C12orf42: variants seen among roughly 807,000 people sequenced by gnomAD.
C12orf42 encodes the protein chromosome 12 open reading frame 42.
Under a neutral mutation model 21.6 loss-of-function variants are expected in C12orf42, and 25 were observed. The observed-to-expected ratio is 1.16, with a 90% confidence interval of 0.84 to 1.62. The LOEUF (loss-of-function observed/expected upper bound fraction) is 1.62, where lower values mean the gene tolerates loss of function less well. Ranked by LOEUF, C12orf42 falls within the 40% of genes most tolerant of loss-of-function variation. The pLI, the probability that C12orf42 is intolerant of heterozygous loss-of-function variation, is 0.00. For missense variants in C12orf42, 483 were observed against 459.3 expected, an observed-to-expected ratio of 1.05 and a Z score of -0.47; for synonymous variants, 174 against 175.0, an observed-to-expected ratio of 0.99 and a Z score of 0.05.
rs749823979 is a variant in C12orf42 at position 103,322,112 on chromosome 12, TGC to T, written c.260-15769_260-15768del. Among the ~76,000 whole-genome samples, 142 of 68,686 alleles carry T rather than the reference TGC, an allele frequency of 2.1e-3. 1 individual carries two copies. The highest frequency in any genetic ancestry group is 3.0e-3 in the Admixed American group (24 of 7,950). 45.1% of individuals were successfully genotyped at this position (68,686 alleles called of 152,430 possible). ...CTTCTCAGATGTGCACGCGCGTGCG[TGC>T]GCGCGCGCGCGCACACACACACACA... is the stretch of plus-strand genomic sequence containing the variant. On this transcript the variant is annotated intron_variant, in intron 4 of 5. Transcript: ENST00000548883.
chr12:103,481,727 A>G (rs915645586), intron 1 of C12orf42, among the ~76,000 whole-genome samples: 4 of 151,252 alleles, frequency 2.6e-5, no homozygotes, highest in East Asian at 3.9e-4. Context: ...GATAATGGAT[A>G]TATTTGGACT....
the C12orf42 span, among the ~76,000 whole-genome samples, chr12:103,508,472 A>G: frequency 6.6e-6 from 1 of 152,116 alleles, no homozygotes; most frequent in Non-Finnish European, 1.5e-5. Flanking sequence ...AAAAGTCCCA[A>G]GCCAAATTTG....
At chr12:103,097,338 G>A in the C12orf42 span, among the ~76,000 whole-genome samples, 2 of 152,152 alleles carry the variant, frequency 1.3e-5, no homozygotes, top group South Asian at 2.1e-4. Flanking sequence ...TCTCCATTAA[G>A]AGAAACATCT....
At chr12:103,282,599 T>C (rs1240692550) in intron 4 of C12orf42, among the ~76,000 whole-genome samples, 1 of 152,200 alleles carries the variant, frequency 6.6e-6, no homozygotes, top group Non-Finnish European at 1.5e-5. Context: ...GTTCACACGA[T>C]AACAAAATTA....
chr12:103,520,694 A>C, the C12orf42 span, among the ~76,000 whole-genome samples: 1 of 150,710 alleles, frequency 6.6e-6, no homozygotes, highest in East Asian at 1.9e-4. Flanking sequence ...AAACATAATG[A>C]AAAAAAAAAT....
chr12:103,560,174 G>A, the C12orf42 span, among the ~76,000 whole-genome samples: 1 of 152,178 alleles, frequency 6.6e-6, no homozygotes, highest in African/African-American at 2.4e-5. Flanking sequence ...TTTTATAGAT[G>A]GGAAACTACA....
At chr12:103,437,741 T>G (rs972478100) in intron 2 of C12orf42, among the ~76,000 whole-genome samples, 10 of 146,212 alleles carry the variant, frequency 6.8e-5, no homozygotes, top group African/African-American at 2.0e-4. Flanking sequence ...AATAACAGGA[T>G]CTGAAATTGA....
Position 103,315,797 on chromosome 12 carries a change from A to G in C12orf42, c.260-9452T>C, listed in dbSNP as rs1245089037. Among the ~76,000 whole-genome samples the G allele has an allele frequency of 3.3e-5, 5 of 152,290 alleles. No individual in the cohort carries two copies. The East Asian group carries it at 9.6e-4, about 29-fold the overall frequency. On this transcript the variant is annotated intron_variant, in intron 4 of 5. Coordinates refer to ENST00000548883, the MANE Select transcript of C12orf42 (RefSeq NM_198521.5). ...ATTACAGTGAGAGATCTATTGAACA[A>G]CATGGTGACTACAGTTAATAACATC...
chr12:103,531,291 CT>C, the C12orf42 span, among the ~76,000 whole-genome samples: 4 of 152,096 alleles, frequency 2.6e-5, no homozygotes, highest in African/African-American at 9.7e-5. Context: ...ATTTTTTAAT[CT>C]TTTTTTCTTT....
chr12:103,541,769 T>TG, the C12orf42 span, among the ~76,000 whole-genome samples: 5 of 152,240 alleles, frequency 3.3e-5, no homozygotes, highest in Admixed American at 6.5e-5. Flanking sequence ...TTAATCTTTT[T>TG]TTTTTCATTA....
chr12:103,461,050 C>T (rs1365532159), intron 2 of C12orf42, among the ~76,000 whole-genome samples: 1 of 152,096 alleles, frequency 6.6e-6, no homozygotes, highest in Admixed American at 6.5e-5. Flanking sequence ...TATGACAGTA[C>T]AGACTGGTTA....
the C12orf42 span, among the ~76,000 whole-genome samples, chr12:103,160,763 G>T: frequency 6.6e-6 from 1 of 152,132 alleles, no homozygotes; most frequent in East Asian, 1.9e-4. Flanking sequence ...TACAGTTCTG[G>T]AACACAACTA....
chr12:103,521,440 AAAC>A, the C12orf42 span, among the ~76,000 whole-genome samples: 1 of 152,178 alleles, frequency 6.6e-6, no homozygotes, highest in African/African-American at 2.4e-5. Flanking sequence ...ACAGAAAACC[AAAC>A]ACCACATGTT....
At chr12:103,456,631 A>G (rs1952314315) in intron 2 of C12orf42, among the ~76,000 whole-genome samples, 1 of 152,160 alleles carries the variant, frequency 6.6e-6, no homozygotes, top group Non-Finnish European at 1.5e-5. Context: ...GCAAAATATA[A>G]AGTAAATTAA....
intron 2 of C12orf42, among the ~76,000 whole-genome samples, chr12:103,416,106 G>A (rs1001084683): frequency 6.6e-6 from 1 of 151,302 alleles, no homozygotes; most frequent in African/African-American, 2.4e-5. Flanking sequence ...TGCAACACAT[G>A]GGTCTGTGTG....
At chr12:103,353,832 G>A (rs949342188) in intron 4 of C12orf42, among the ~76,000 whole-genome samples, 21 of 152,288 alleles carry the variant, frequency 1.4e-4, no homozygotes, top group African/African-American at 5.0e-4. Context: ...AGCCCTTCAC[G>A]AGGGTGAGCA....
At chr12:103,515,092 C>T in the C12orf42 span, among the ~76,000 whole-genome samples, 1 of 152,162 alleles carries the variant, frequency 6.6e-6, no homozygotes. Flanking sequence ...AAGAATTATC[C>T]AGCTCCAACT....
intron 10 of C12orf42, among the ~76,000 whole-genome samples, chr12:103,250,632 C>G (rs1480364765): frequency 6.6e-6 from 1 of 152,118 alleles, no homozygotes; most frequent in Non-Finnish European, 1.5e-5. Flanking sequence ...TTAAACTGAT[C>G]TTCAAGAAAT....
downstream of C12orf42, among the ~76,000 whole-genome samples, chr12:103,235,277 G>A (rs1295275771): frequency 6.6e-6 from 1 of 152,066 alleles, no homozygotes; most frequent in African/African-American, 2.4e-5. Flanking sequence ...TTCCTTTTTA[G>A]CTAGATTTGT....
Sources: allele counts gnomAD v4.1 joint callset (sites outside exome capture counted in the v4.1 genomes callset), GRCh38; gene constraint gnomAD v4.1.1; transcripts MANE v1.5; gene names NCBI Gene and HGNC (gene_info 2026-07-23, HGNC 2026-07-21).